ZNF503: variants seen among roughly 807,000 people sequenced by gnomAD.
ZNF503 encodes NocA-like zinc finger 2.
In ZNF503, 15 loss-of-function variants were observed where a neutral mutation model predicts 34.4. The ratio of observed to expected loss-of-function variants is 0.44; its 90% CI spans 0.29 to 0.67. The LOEUF is 0.67. Ranked by LOEUF, ZNF503 falls within the 30% of genes least tolerant of loss-of-function variation. The probability of loss-of-function intolerance (pLI) is 0.13; values close to 1 mark genes in which losing one functional copy is unlikely to be tolerated. For synonymous variants in ZNF503, 580 were observed against 456.8 expected, an observed-to-expected ratio of 1.27 and a Z score of -3.44; for missense variants, 1,007 against 926.8, an observed-to-expected ratio of 1.09 and a Z score of -1.12.
the ZNF503 span, among the ~76,000 whole-genome samples, chr10:75,387,672 G>T: frequency 2.0e-5 from 3 of 152,158 alleles, no homozygotes; most frequent in African/African-American, 7.2e-5. Context: ...GATGTGCCTT[G>T]TCACAAATGA....
the ZNF503 span, among the ~76,000 whole-genome samples, chr10:75,342,829 G>A: frequency 1.3e-5 from 2 of 152,140 alleles, no homozygotes; most frequent in Non-Finnish European, 2.9e-5. Flanking sequence ...AGAAGGGCAG[G>A]CTCATGTCTC....
At chr10:75,332,462 ATTTTTCT>A in the ZNF503 span, among the ~76,000 whole-genome samples, 152 of 94,048 alleles carry the variant, frequency 1.6e-3, no homozygotes, top group African/African-American at 6.5e-3. Context: ...TTCAGTTTAA[ATTTTTCT>A]TTTTTTTTTT....
At chr10:75,374,517 C>A in the ZNF503 span, among the ~76,000 whole-genome samples, 1 of 152,146 alleles carries the variant, frequency 6.6e-6, no homozygotes, top group Non-Finnish European at 1.5e-5. Context: ...CCACCCAGCT[C>A]ACACTCTCCT....
the ZNF503 span, among the ~76,000 whole-genome samples, chr10:75,378,429 C>T: frequency 6.6e-6 from 1 of 152,118 alleles, no homozygotes; most frequent in African/African-American, 2.4e-5. Flanking sequence ...TGGTCACTGC[C>T]TCAGCTCCCA....
At chr10:75,296,497 C>CA in the ZNF503 span, 1 of 109,088 alleles carries the variant, frequency 9.2e-6, no homozygotes, top group East Asian at 2.7e-4. Context: ...GTGGCTCAGA[C>CA]ACCCCCCCTT....
the ZNF503 span, among the ~76,000 whole-genome samples, chr10:75,377,922 G>A: frequency 5.3e-5 from 8 of 152,234 alleles, no homozygotes; most frequent in East Asian, 1.5e-3. Context: ...GGAGGCCTCA[G>A]GAAACTTTCG....
chr10:75,345,634 C>CAAAAAAAA, the ZNF503 span, among the ~76,000 whole-genome samples: 1 of 72,288 alleles, frequency 1.4e-5, no homozygotes, highest in African/African-American at 5.9e-5. Context: ...GACTCTGTCT[C>CAAAAAAAA]AAAAAAAAAA....
chr10:75,360,542 T>A, the ZNF503 span: 1 of 152,406 alleles, frequency 6.6e-6, no homozygotes, highest in African/African-American at 2.4e-5. Flanking sequence ...CTTAGGCTGC[T>A]GGAAGTCCAC....
the ZNF503 span, among the ~76,000 whole-genome samples, chr10:75,332,183 T>G: frequency 6.6e-6 from 1 of 152,230 alleles, no homozygotes; most frequent in Middle Eastern, 3.4e-3. Flanking sequence ...CTCGATGTTT[T>G]TTGTTTTTGG....
chr10:75,310,125 G>C, the ZNF503 span, among the ~76,000 whole-genome samples: 2 of 152,142 alleles, frequency 1.3e-5, no homozygotes, highest in South Asian at 2.1e-4. Context: ...TTGTACTTTA[G>C]ATCTATATTC....
At chr10:75,334,724 G>T in the ZNF503 span, among the ~76,000 whole-genome samples, 4 of 152,184 alleles carry the variant, frequency 2.6e-5, no homozygotes, top group Non-Finnish European at 5.9e-5. Flanking sequence ...TGCTTGCTAG[G>T]TTCCTTTGCT....
the ZNF503 span, among the ~76,000 whole-genome samples, chr10:75,321,321 T>C: frequency 1.3e-5 from 2 of 152,194 alleles, no homozygotes; most frequent in Non-Finnish European, 2.9e-5. Flanking sequence ...TATTTTCTTG[T>C]AGCAATGTGA....
At chr10:75,352,659 G>T in the ZNF503 span, among the ~76,000 whole-genome samples, 114 of 152,358 alleles carry the variant, frequency 7.5e-4, no homozygotes, top group Middle Eastern at 6.8e-3. Flanking sequence ...GTCCCAGCTT[G>T]TTGCTGGCCA....
At chr10:75,318,243 A>G in the ZNF503 span, among the ~76,000 whole-genome samples, 1 of 152,208 alleles carries the variant, frequency 6.6e-6, no homozygotes, top group African/African-American at 2.4e-5. Flanking sequence ...AAAGAAAAAA[A>G]GAAAGCCACA....
At chr10:75,293,569 T>C in the ZNF503 span, among the ~76,000 whole-genome samples, 1 of 152,028 alleles carries the variant, frequency 6.6e-6, no homozygotes, top group Non-Finnish European at 1.5e-5. Context: ...CTGAGGCTTC[T>C]GTTTGACTTC....
In ZNF503 at chr10:75,398,794, G is replaced by A. The variant is rs368925089; in HGVS notation, c.1896C>T (p.Leu632=). The change falls in exon 2 of 2, where the codon CTC becomes CTT. Residue 632 remains leucine, a synonymous_variant. Transcript: ENST00000372524. ...AGGCGGTGGTCAGTCTCTGTCCGTA[G>A]AGGGCGTAGGGGGAGTAGTACGGTC... ...ATGPYYSPYA[L]YGQRLTTASA... The A allele has an allele frequency of 1.1e-5, 16 of 1,466,704 alleles. No individual in the cohort carries two copies. In the African/African-American group the frequency reaches 2.2e-4, roughly 20 times the overall value. The allele number at this position is 1,466,704 out of a possible 1,614,324, so 90.9% of individuals were successfully genotyped here.
At chr10:75,332,046 T>C in the ZNF503 span, among the ~76,000 whole-genome samples, 1 of 152,076 alleles carries the variant, frequency 6.6e-6, no homozygotes, top group Non-Finnish European at 1.5e-5. Context: ...CTTCAGTCTA[T>C]GTTTCTGACT....
chr10:75,320,642 AC>A, the ZNF503 span, among the ~76,000 whole-genome samples: 148 of 152,254 alleles, frequency 9.7e-4, no homozygotes, highest in African/African-American at 3.4e-3. Flanking sequence ...ACATAGCAAG[AC>A]CCCATCTCTA....
At chr10:75,358,970 G>C in the ZNF503 span, 1 of 152,206 alleles carries the variant, frequency 6.6e-6, no homozygotes, top group African/African-American at 2.4e-5. Context: ...TCCACCCTGG[G>C]TGCAGCGGTC....
Sources: gnomAD v4.1 joint callset for allele counts (sites outside exome capture counted in the v4.1 genomes callset) on GRCh38, gnomAD v4.1.1 for gene constraint, MANE v1.5 for transcripts, NCBI Gene and HGNC (gene_info 2026-07-23, HGNC 2026-07-21) for gene names.